The following ZNF728 variants were observed in gnomAD, a reference collection of about 807,000 sequenced individuals.
The protein encoded by ZNF728 is zinc finger protein 728.
In ZNF728, 12 loss-of-function variants were observed where a neutral mutation model predicts 12.5. The observed-to-expected ratio is 0.96, with a 90% CI of 0.61 to 1.55. The LOEUF (loss-of-function observed/expected upper bound fraction) is 1.55, where lower values mean the gene tolerates loss of function less well. ZNF728 is among the 40% of genes most tolerant of loss of function. ZNF728 has a pLI of 0.00. For synonymous variants in ZNF728, 205 were observed against 240.7 expected, an observed-to-expected ratio of 0.85 and a Z score of 1.37; for missense variants, 692 against 719.2, an observed-to-expected ratio of 0.96 and a Z score of 0.43.
chr19:22,977,084 G>C lies in ZNF728; in HGVS notation c.253C>G (p.Leu85Val), dbSNP rs779960893. 5.7e-6 allele frequency: 9 copies of C among 1,584,298 alleles called. No homozygotes were observed. In the East Asian group the frequency reaches 9.0e-5, roughly 16 times the overall value. Residue 85 changes from leucine to valine, a missense_variant, in exon 4 of 4, where the codon CTT becomes GTT. Physicochemically the swap from Leu to Val is conservative, Grantham distance 32. Transcript: ENST00000594710. ...PVICSHFAQD[L>V]WPEQGREDSF... ...TCTTCTCTGCCCTGCTCTGGCCAAAGGTCTTGAGCAAAATGAGAACATATA... is the reference window on the plus strand; with the variant it reads ...TCTTCTCTGCCCTGCTCTGGCCAAACGTCTTGAGCAAAATGAGAACATATA...
At position 22,975,514 on chromosome 19, in the gene ZNF728, G is replaced by A. The variant is rs1968783615; in HGVS notation, c.1823C>T (p.Thr608Ile). 1.3e-6 allele frequency: 2 copies of A among 1,562,086 alleles called. No individual in the cohort carries two copies. The highest frequency in any genetic ancestry group is 2.3e-5 in the East Asian group (1 of 43,144). ...TCCAGTATGAATTCTCTTATGAGTAGTAAGGTGTGAGGATTGGTTGAAGTC... is the reference window on the plus strand; with the variant it reads ...TCCAGTATGAATTCTCTTATGAGTAATAAGGTGTGAGGATTGGTTGAAGTC... ...GKDFNQSSHL[T>I]THKRIHTGGK... The change falls in exon 4 of 4, where the codon ACT (threonine) becomes ATT (isoleucine). Residue 608 changes from threonine to isoleucine, a missense_variant. This residue lies in a region of ZNF728 where 244 missense variants were observed against 235.2 expected (regional missense o/e 1.04). Coordinates refer to ENST00000594710, the MANE Select transcript of ZNF728 (RefSeq NM_001267716.2).
chr19:23,000,865 C>CAAAAAAAAAAAAAAA (rs879559395), intron 1 of ZNF728, among the ~76,000 whole-genome samples: 3 of 32,604 alleles, frequency 9.2e-5, no homozygotes, highest in Non-Finnish European at 2.2e-4. Flanking sequence ...AAAACACTGT[C>CAAAAAAAAAAAAAAA]AAAAAAAAAA....
chr19:22,983,300 C>T (rs1231269131), intron 3 of ZNF728, among the ~76,000 whole-genome samples: 1 of 152,148 alleles, frequency 6.6e-6, no homozygotes. Flanking sequence ...ATGAAAACCA[C>T]AATGAGTACC....
chr19:22,987,367 A>G lies in ZNF728; in HGVS notation c.167T>C (p.Leu56Pro). The part of the protein sequence containing the change: ...AAPKPDLIIF[L>P]EQGKEPWNMK... ...ATTCCAGGGCTCTTTTCCTTGCTCC[A>G]GAAAAATGATCAGGTCTGGCTTAGG... The change falls in exon 3 of 4, where the codon CTG (leucine) becomes CCG (proline). Residue 56 changes from leucine (L) to proline (P), a missense_variant. By Grantham distance (98) the Leu-to-Pro change is moderately conservative (BLOSUM62 -3). This residue lies in a region of ZNF728 where 440 missense variants were observed against 459.6 expected (regional missense o/e 0.96). Coordinates refer to ENST00000594710, the MANE Select transcript of ZNF728 (RefSeq NM_001267716.2). 6.2e-7 allele frequency: 1 copy of G among 1,612,320 alleles called. No individual in the cohort carries two copies. The highest frequency in any genetic ancestry group is 1.7e-4 in the Middle Eastern group (1 of 6,052).
chr19:22,982,144 C>G (rs564125190), intron 3 of ZNF728, among the ~76,000 whole-genome samples: 4 of 152,322 alleles, frequency 2.6e-5, no homozygotes, highest in African/African-American at 9.6e-5. Context: ...AGCCCAAAAT[C>G]TCTTTAAGCT....
intron 1 of ZNF728, 148 bp downstream of exon 1, chr19:23,002,880 G>C: frequency 9.6e-7 from 1 of 1,043,836 alleles, no homozygotes. Context: ...TATGCCTGAA[G>C]CGGACTGAGG....
In ZNF728 at chr19:23,002,597, A is replaced by T. The variant is rs148898623; in HGVS notation, c.3+431T>A. Among the ~76,000 whole-genome samples the T allele has an allele frequency of 4.1e-4, 62 of 152,328 alleles. No homozygotes were observed. In the East Asian group the frequency reaches 0.011, roughly 27 times the overall value. On this transcript the variant is annotated intron_variant, in intron 1 of 3. Transcript: ENST00000594710. The stretch of plus-strand genomic sequence containing the variant: ...CAATTTTGGAATCACTCTTTGGTTA[A>T]ATTATTTAATATTTGTGCGGTGACT...
chr19:22,987,775 C>T (rs1354510582), intron 2 of ZNF728, among the ~76,000 whole-genome samples: 1 of 152,066 alleles, frequency 6.6e-6, no homozygotes, highest in African/African-American at 2.4e-5. Context: ...GGAAAAATCC[C>T]TATGATTTTC....
At chr19:22,992,201 G>A (rs1477894465) in intron 1 of ZNF728, among the ~76,000 whole-genome samples, 1 of 152,056 alleles carries the variant, frequency 6.6e-6, no homozygotes, top group Non-Finnish European at 1.5e-5. Context: ...GACTAAAACT[G>A]CCAGGATGGT....
At position 23,003,062 on chromosome 19, in the gene ZNF728, T is replaced by A. The variant is rs747196524; in HGVS notation, c.-32A>T. 11 of 1,575,730 alleles carry A rather than the reference T, an allele frequency of 7.0e-6. No homozygotes were observed. The highest frequency in any genetic ancestry group is 9.5e-6 in the Non-Finnish European group (11 of 1,161,432). ...GCTTCCGGGGGTCCTGGCGACTTAGTTGTGAATCTCCCAATACCTGCAGGT... is the reference window on the plus strand; with the variant it reads ...GCTTCCGGGGGTCCTGGCGACTTAGATGTGAATCTCCCAATACCTGCAGGT... On this transcript the variant is annotated 5_prime_UTR_variant, in exon 1 of 4. Transcript: ENST00000594710.
chr19:22,997,496 C>T (rs1412480023), intron 1 of ZNF728, among the ~76,000 whole-genome samples: 1 of 152,082 alleles, frequency 6.6e-6, no homozygotes, highest in Non-Finnish European at 1.5e-5. Flanking sequence ...AGAATCCCTG[C>T]AATACAGCTA....
rs775634137 is a variant in ZNF728 at position 23,003,160 on chromosome 19, G to A, written c.-130C>T. The stretch of plus-strand genomic sequence containing the variant: ...GTAAGGACGACACCTTGACCTCCGC[G>A]TGCAGCGAGAGCCAACGGTCCTACC... On this transcript the variant is annotated 5_prime_UTR_variant, in exon 1 of 4. In the 5' UTR this introduces an upstream ATG that the reference lacks. Transcript: ENST00000594710. The A allele has an allele frequency of 8.0e-6, 9 of 1,130,592 alleles. No individual in the cohort carries two copies. Among genetic ancestry groups the A allele is most frequent in the Non-Finnish European group, 1.1e-5 (9 of 813,372 alleles). The allele number at this position is 1,130,592 out of a possible 1,614,324, so 70.0% of individuals were successfully genotyped here. A position where few individuals can be genotyped will look rare whatever the true frequency, so the allele number is the denominator to read the frequency against.
At chr19:23,002,625 T>C (rs543982902) in intron 1 of ZNF728, among the ~76,000 whole-genome samples, 1 of 152,336 alleles carries the variant, frequency 6.6e-6, no homozygotes, top group South Asian at 2.1e-4. Context: ...CGGTGACTTC[T>C]GCAAATTTTT....
intron 1 of ZNF728, 65 bp from the exon 2 acceptor site, chr19:22,988,516 C>T: frequency 1.3e-6 from 2 of 1,593,494 alleles, no homozygotes; most frequent in Non-Finnish European, 1.7e-6. Flanking sequence ...TAATTTGACT[C>T]AAGGTAAAAT....
At chr19:22,987,964 TG>T (rs957473013) in intron 2 of ZNF728, among the ~76,000 whole-genome samples, 2 of 152,196 alleles carry the variant, frequency 1.3e-5, no homozygotes, top group African/African-American at 4.8e-5. Flanking sequence ...CTTCTGCTCC[TG>T]CCGCCACAAG....
chr19:22,978,942 T>A (rs1165774384), intron 3 of ZNF728, among the ~76,000 whole-genome samples: 2 of 152,164 alleles, frequency 1.3e-5, no homozygotes, highest in Non-Finnish European at 1.5e-5. Flanking sequence ...AAAACCAGAA[T>A]GCCTTTTCTC....
At chr19:22,999,106 T>C (rs1335893455) in intron 1 of ZNF728, among the ~76,000 whole-genome samples, 1 of 152,184 alleles carries the variant, frequency 6.6e-6, no homozygotes, top group African/African-American at 2.4e-5. Context: ...ATCTAAAATC[T>C]GATTATTTCA....
chr19:22,987,246 G>T, intron 3 of ZNF728, 62 bp downstream of exon 3: 1 of 1,474,778 alleles, frequency 6.8e-7, no homozygotes, highest in South Asian at 1.4e-5. Context: ...TCACTTTAAG[G>T]ACTGGCTTTC....
rs771672689 is a variant in ZNF728 at position 22,987,422 on chromosome 19, G to C, written c.131-19C>G. On this transcript the variant is annotated intron_variant, in intron 2 of 3. Coordinates refer to ENST00000594710, the MANE Select transcript of ZNF728 (RefSeq NM_001267716.2). ...GCAATACCTGTTTTATTAAAAATGA[G>C]TAACATGCATCTTGCTCATATTCTC... 1.3e-5 allele frequency: 20 copies of C among 1,588,518 alleles called. No homozygotes were observed. The highest frequency in any genetic ancestry group is 1.5e-5 in the Non-Finnish European group (17 of 1,168,592).
Sources: allele counts gnomAD v4.1 joint callset (sites outside exome capture counted in the v4.1 genomes callset), GRCh38; gene constraint gnomAD v4.1.1; regional missense constraint gnomAD v4.1.1; transcripts MANE v1.5; gene names NCBI Gene and HGNC (gene_info 2026-07-23, HGNC 2026-07-21).